ILRUN: variants seen among roughly 807,000 people sequenced by gnomAD.
ILRUN encodes the protein inflammation and lipid regulator with UBA-like and NBR1-like domains.
A neutral mutation model predicts 33.8 loss-of-function variants in ILRUN; 3 were observed. The observed-to-expected ratio is 0.09, with a 90% CI of 0.04 to 0.23. The LOEUF is 0.23. ILRUN is among the 10% of genes least tolerant of loss of function. The probability of loss-of-function intolerance (pLI) is 1.00; values close to 1 mark genes in which losing one functional copy is unlikely to be tolerated. For missense variants in ILRUN, 210 were observed against 375.1 expected (o/e 0.56, Z 3.64); for synonymous variants, 124 against 138.9 (o/e 0.89, Z 0.75).
intron 4 of ILRUN, among the ~76,000 whole-genome samples, chr6:34,604,719 G>A (rs1335773510): frequency 6.6e-6 from 1 of 152,150 alleles, no homozygotes; most frequent in Non-Finnish European, 1.5e-5. Flanking sequence ...GTGTTAAGAT[G>A]TGAAACGTCT....
intron 3 of ILRUN, among the ~76,000 whole-genome samples, chr6:34,638,858 G>C (rs529295823): frequency 2.0e-5 from 3 of 152,246 alleles, no homozygotes; most frequent in South Asian, 4.1e-4. Flanking sequence ...CAACATAAAA[G>C]AACAATGTTC....
intron 2 of ILRUN, among the ~76,000 whole-genome samples, chr6:34,652,189 AT>A (rs938895375): frequency 1.3e-5 from 2 of 151,230 alleles, no homozygotes; most frequent in East Asian, 2.0e-4. Context: ...CTGTCTTGAT[AT>A]TTTTTTAAAA....
At chr6:34,655,779 T>G (rs1329391708) in intron 1 of ILRUN, among the ~76,000 whole-genome samples, 1 of 152,214 alleles carries the variant, frequency 6.6e-6, no homozygotes, top group Non-Finnish European at 1.5e-5. Context: ...ATAAAAGTTG[T>G]ACGCTAATGG....
At chr6:34,617,674 C>T (rs1761924908) in intron 3 of ILRUN, among the ~76,000 whole-genome samples, 1 of 152,220 alleles carries the variant, frequency 6.6e-6, no homozygotes, top group Non-Finnish European at 1.5e-5. Flanking sequence ...CAGAGTACCG[C>T]TGAAGGACAA....
intron 4 of ILRUN, among the ~76,000 whole-genome samples, chr6:34,593,433 C>T (rs1761335827): frequency 6.6e-6 from 1 of 152,078 alleles, no homozygotes; most frequent in Non-Finnish European, 1.5e-5. Context: ...TTGTATATTC[C>T]CACTTAACGG....
rs1292814354 is a variant in ILRUN, at chr6:34,666,369, G to C, written c.159-11590C>G. ...GAGGTCGGGAGTTCGAGACCAGCCTGACCAACATGGAGAAACCCCCATCTC... is the reference window on the plus strand; with the variant it reads ...GAGGTCGGGAGTTCGAGACCAGCCTCACCAACATGGAGAAACCCCCATCTC... On this transcript the variant is annotated intron_variant, in intron 1 of 4. Transcript: ENST00000374023. Among the ~76,000 whole-genome samples the C allele has an allele frequency of 3.3e-5, 5 of 152,296 alleles. No individual in the cohort carries two copies. In the East Asian group the frequency reaches 5.8e-4, roughly 18 times the overall value.
At chr6:34,688,878 T>C (rs1029683781) in intron 1 of ILRUN, among the ~76,000 whole-genome samples, 1 of 151,924 alleles carries the variant, frequency 6.6e-6, no homozygotes, top group Non-Finnish European at 1.5e-5. Flanking sequence ...GGAGAATCAC[T>C]TGAACCTGGG....
chr6:34,662,342 T>C (rs1277469073), intron 1 of ILRUN, among the ~76,000 whole-genome samples: 1 of 150,542 alleles, frequency 6.6e-6, no homozygotes, highest in Non-Finnish European at 1.5e-5. Context: ...GAAAAAGACA[T>C]AGAAGAGAAG....
At chr6:34,608,493 A>C (rs1396037399) in intron 3 of ILRUN, among the ~76,000 whole-genome samples, 1 of 152,232 alleles carries the variant, frequency 6.6e-6, no homozygotes, top group African/African-American at 2.4e-5. Context: ...TGGAGCTTTC[A>C]AGCCTGGAAG....
chr6:34,639,609 A>T (rs1762430254), intron 3 of ILRUN, among the ~76,000 whole-genome samples: 1 of 152,118 alleles, frequency 6.6e-6, no homozygotes, highest in African/African-American at 2.4e-5. Flanking sequence ...ACCTAAGAAT[A>T]GCCCTGTCAA....
chr6:34,633,869 C>A, intron 3 of ILRUN, among the ~76,000 whole-genome samples: 2 of 74,642 alleles, frequency 2.7e-5, no homozygotes, highest in Non-Finnish European at 4.6e-5. Flanking sequence ...GGGAGGGAGA[C>A]ATGGAGGGAG....
rs375949622 is a variant in ILRUN, at chr6:34,658,489, TC to T, written c.159-3711del. ...ACCACAATGAAATAATTTTTCTTTT[TC>T]TTTTTTTTTTTTTTTTTTAAGAGTA... On this transcript the variant is annotated intron_variant, in intron 1 of 4. Coordinates refer to ENST00000374023, the MANE Select transcript of ILRUN (RefSeq NM_024294.4). Among the ~76,000 whole-genome samples the T allele has an allele frequency of 7.8e-5, 11 of 141,204 alleles. 1 individual carries two copies. The East Asian group carries it at 1.3e-3, about 17-fold the overall frequency. 92.6% of individuals were successfully genotyped at this position (141,204 alleles called of 152,430 possible). A position where few individuals can be genotyped will look rare whatever the true frequency, so the allele number is the denominator to read the frequency against.
intron 1 of ILRUN, chr6:34,671,903 T>C (rs1649615940): frequency 6.6e-6 from 1 of 152,204 alleles, no homozygotes; most frequent in African/African-American, 2.4e-5. Context: ...TAACAATGAG[T>C]AGCCCAAAAC....
chr6:34,687,698 C>CAA (rs35852723), intron 1 of ILRUN, among the ~76,000 whole-genome samples: 10,607 of 124,950 alleles, frequency 0.085, 521 homozygotes, highest in East Asian at 0.24. Flanking sequence ...ACTCCATCTC[C>CAA]AAAAAAAAAA....
chr6:34,658,488 TTC>T (rs1225012097), intron 1 of ILRUN, among the ~76,000 whole-genome samples: 3 of 140,932 alleles, frequency 2.1e-5, no homozygotes, highest in African/African-American at 2.8e-5. Flanking sequence ...ATTTTTCTTT[TTC>T]TTTTTTTTTT....
At chr6:34,602,485 T>C (rs1366755510) in intron 4 of ILRUN, among the ~76,000 whole-genome samples, 1 of 152,238 alleles carries the variant, frequency 6.6e-6, no homozygotes, top group Non-Finnish European at 1.5e-5. Context: ...CAGAAGCTAC[T>C]CTGGCCCCCC....
intron 4 of ILRUN, among the ~76,000 whole-genome samples, chr6:34,597,183 A>G (rs1329185763): frequency 6.6e-6 from 1 of 152,242 alleles, no homozygotes; most frequent in Non-Finnish European, 1.5e-5. Flanking sequence ...CAAAGTTTCT[A>G]CGTGGAGGTA....
intron 2 of ILRUN, among the ~76,000 whole-genome samples, chr6:34,651,292 C>T (rs189754194): frequency 2.6e-5 from 4 of 152,104 alleles, no homozygotes; most frequent in African/African-American, 9.7e-5. Flanking sequence ...CACAAGAATG[C>T]CCTTTCACAC....
chr6:34,594,702 G>A (rs1271165823), intron 4 of ILRUN, among the ~76,000 whole-genome samples: 4 of 152,160 alleles, frequency 2.6e-5, no homozygotes, highest in Admixed American at 1.3e-4. Flanking sequence ...AAGCGCAGAG[G>A]CTCCACAGTC....
Sources: allele counts gnomAD v4.1 joint callset (sites outside exome capture counted in the v4.1 genomes callset), GRCh38; gene constraint gnomAD v4.1.1; transcripts MANE v1.5; gene names NCBI Gene and HGNC (gene_info 2026-07-23, HGNC 2026-07-21).